Variants in MYH11 observed in about 807,000 individuals in gnomAD.
MYH11 encodes myosin heavy chain 11.
Under a neutral mutation model 246.6 loss-of-function variants are expected in MYH11, and 80 were observed. The observed-to-expected ratio is 0.32, with a 90% CI of 0.27 to 0.39. The LOEUF is 0.39. Among genes scored for constraint, MYH11 ranks in the 10% least tolerant of loss-of-function variants. The probability of loss-of-function intolerance (pLI) is 1.00; values close to 1 mark genes in which losing one functional copy is unlikely to be tolerated. For missense variants in MYH11, 2,158 were observed against 2,546.8 expected (o/e 0.85, Z 3.29); for synonymous variants, 1,071 against 1,015.5 (o/e 1.05, Z -1.04).
chr16:15,842,624 C>T (rs573761932), intron 1 of MYH11, among the ~76,000 whole-genome samples: 2 of 151,366 alleles, frequency 1.3e-5, no homozygotes, highest in South Asian at 4.2e-4. Context: ...ATTAGCTGGG[C>T]TTGGTGGCAG....
At chr16:15,749,584 G>A (rs12325390) in intron 16 of MYH11, 8,890 of 156,326 alleles carry the variant, frequency 0.057, 887 homozygotes, top group African/African-American at 0.2. Context: ...ACCTCTCCCC[G>A]TGTCTCCCAT....
At chr16:15,816,080 C>T (rs578187715) in intron 3 of MYH11, among the ~76,000 whole-genome samples, 3 of 152,268 alleles carry the variant, frequency 2.0e-5, no homozygotes, top group East Asian at 1.9e-4. Flanking sequence ...CTCAAGATCA[C>T]GTACATTCTT....
intron 7 of MYH11, among the ~76,000 whole-genome samples, chr16:15,776,878 C>T (rs4541094): frequency 0.19 from 29,546 of 151,940 alleles, 2,978 homozygotes; most frequent in East Asian, 0.29. Context: ...TCACAGGGTC[C>T]GGGGTGATGG....
chr16:15,781,440 CAA>C (rs2042350398), intron 6 of MYH11, among the ~76,000 whole-genome samples: 1 of 152,294 alleles, frequency 6.6e-6, no homozygotes, highest in Middle Eastern at 3.4e-3. Flanking sequence ...GAGCTTTCTG[CAA>C]AGAGTCTTTC....
intron 6 of MYH11, chr16:15,779,562 G>A (rs1484608080): frequency 6.4e-6 from 1 of 155,672 alleles, no homozygotes; most frequent in Non-Finnish European, 1.4e-5. Flanking sequence ...CCATATTCAG[G>A]GGCTAGAGGG....
At chr16:15,801,353 T>C (rs998478323) in intron 3 of MYH11, among the ~76,000 whole-genome samples, 3 of 151,988 alleles carry the variant, frequency 2.0e-5, no homozygotes, top group Non-Finnish European at 4.4e-5. Flanking sequence ...ACCTTTTGTG[T>C]TTTAAAAAGA....
rs1339114725 is a variant in MYH11 at position 15,825,403 on chromosome 16, A to C, written c.346-1992T>G. On this transcript the variant is annotated intron_variant, in intron 2 of 40. Transcript: ENST00000300036. Reference sequence around the variant, plus strand: ...CCTCTCTACAAAAAAAAAAAAAAAAAAAAAATAGCTGGCCATGGTGGTGAT... The same window carrying C: ...CCTCTCTACAAAAAAAAAAAAAAAACAAAAATAGCTGGCCATGGTGGTGAT... Among the ~76,000 whole-genome samples, 5 of 151,746 alleles carry C rather than the reference A, an allele frequency of 3.3e-5. No individual in the cohort carries two copies. The East Asian group carries it at 9.7e-4, about 29-fold the overall frequency.
chr16:15,724,590 C>T lies in MYH11; in HGVS notation c.4116+57G>A, dbSNP rs567519206. The T allele has an allele frequency of 2.6e-5, 42 of 1,612,368 alleles. No individual in the cohort carries two copies. The South Asian group carries it at 4.3e-4, about 16-fold the overall frequency. ...CCACCGCGATCTGCCTGCGGGGGAT[C>T]TCAGCGCAGAGAAGTTGAGAGGACC... On this transcript the variant is annotated intron_variant, in intron 30 of 40. Transcript: ENST00000300036.
chr16:15,717,416 C>T (rs2040220434), intron 37 of MYH11, 68 bp from the exon 38 acceptor site: 2 of 1,539,566 alleles, frequency 1.3e-6, no homozygotes, highest in Non-Finnish European at 8.9e-7. Flanking sequence ...GAGACCATGC[C>T]TCTTCCTGCC....
intron 3 of MYH11, among the ~76,000 whole-genome samples, chr16:15,803,890 A>G (rs1432861989): frequency 6.6e-6 from 1 of 152,130 alleles, no homozygotes; most frequent in Non-Finnish European, 1.5e-5. Context: ...TGACGTTCCC[A>G]TCAAAAACAC....
At chr16:15,813,619 T>C (rs1820556694) in intron 3 of MYH11, among the ~76,000 whole-genome samples, 1 of 152,134 alleles carries the variant, frequency 6.6e-6, no homozygotes, top group Non-Finnish European at 1.5e-5. Flanking sequence ...CATGAGAAGA[T>C]GGTAGGCTGA....
intron 2 of MYH11, among the ~76,000 whole-genome samples, chr16:15,826,941 G>A (rs1351998640): frequency 7.1e-6 from 1 of 141,638 alleles, no homozygotes; most frequent in Admixed American, 7.4e-5. Context: ...AGGTTGTAGT[G>A]AGCCAAGGTG....
intron 4 of MYH11, 50 bp downstream of exon 4, chr16:15,798,610 A>AAAAAAAT (rs2042802257): frequency 8.4e-7 from 1 of 1,194,008 alleles, no homozygotes; most frequent in African/African-American, 1.8e-5. Flanking sequence ...CTACAGATTA[A>AAAAAAAT]AAAAAAAAAA....
At chr16:15,708,147 C>T (rs2039566772) in intron 40 of MYH11, among the ~76,000 whole-genome samples, 1 of 151,992 alleles carries the variant, frequency 6.6e-6, no homozygotes, top group Non-Finnish European at 1.5e-5. Context: ...TGGTCAGCTT[C>T]CACCCCGTGT....
chr16:15,721,014 G>A lies in MYH11; in HGVS notation c.4616C>T (p.Thr1539Ile), dbSNP rs1318737188. The A allele has an allele frequency of 3.1e-6, 5 of 1,614,018 alleles. No homozygotes were observed. Among genetic ancestry groups the A allele is most frequent in the Non-Finnish European group, 4.2e-6 (5 of 1,180,008 alleles). ...ELEKSKRALETQMEEMKTQLE... is the reference protein window; with the variant it reads ...ELEKSKRALEIQMEEMKTQLE... ...CTGCGTCTTCATCTCCTCCATCTGG[G>A]TCTCCAGGGCCCGCTTGGACTTCTC... The change falls in exon 33 of 41, where the codon ACC (threonine) becomes ATC (isoleucine). Residue 1539 changes from threonine to isoleucine, a missense_variant. Around this residue, in one of 11 missense-constraint regions of MYH11, gnomAD observed 1,013 missense variants for 993.5 expected, o/e 1.02. Coordinates refer to ENST00000300036, the MANE Select transcript of MYH11 (RefSeq NM_002474.3).
chr16:15,719,767 T>A (rs970407079), intron 34 of MYH11, 54 bp from the exon 35 acceptor site: 6 of 1,612,174 alleles, frequency 3.7e-6, no homozygotes, highest in Non-Finnish European at 5.1e-6. Flanking sequence ...CCCCAAGTTC[T>A]GCTGCCCAGT....
intron 35 of MYH11, 112 bp downstream of exon 35, chr16:15,719,473 G>A (rs542628354): frequency 7.7e-6 from 12 of 1,555,276 alleles, no homozygotes; most frequent in East Asian, 4.5e-5. Context: ...TTCTAGACAG[G>A]TGGACCCCAG....
At chr16:15,786,423 G>A in intron 5 of MYH11, 2 of 764,186 alleles carry the variant, frequency 2.6e-6, no homozygotes, top group South Asian at 1.4e-5. Context: ...GCCCCCTTCT[G>A]GAGGGATGCT....
chr16:15,799,302 T>A (rs902786354), intron 3 of MYH11, among the ~76,000 whole-genome samples: 7 of 152,164 alleles, frequency 4.6e-5, no homozygotes, highest in African/African-American at 1.7e-4. Flanking sequence ...GGTCAGACTC[T>A]CTGGCCTAAA....
Sources: allele counts gnomAD v4.1 joint callset (sites outside exome capture counted in the v4.1 genomes callset), GRCh38; gene constraint gnomAD v4.1.1; regional missense constraint gnomAD v4.1.1; transcripts MANE v1.5; gene names NCBI Gene and HGNC (gene_info 2026-07-23, HGNC 2026-07-21).